Variants in LUZP2 observed in about 807,000 individuals in gnomAD.
The protein encoded by LUZP2 is leucine zipper protein 2.
In LUZP2, 52 loss-of-function variants were observed where a neutral mutation model predicts 51.6. The observed-to-expected ratio is 1.01, with a 90% confidence interval of 0.81 to 1.27. LUZP2 has a LOEUF of 1.27. Among genes scored for constraint, LUZP2 ranks in the 50% most tolerant of loss-of-function variants. The probability of loss-of-function intolerance (pLI) is 0.00; values close to 1 mark genes in which losing one functional copy is unlikely to be tolerated. For synonymous variants in LUZP2, 154 were observed against 137.3 expected, an observed-to-expected ratio of 1.12 and a Z score of -0.85; for missense variants, 436 against 395.4, an observed-to-expected ratio of 1.10 and a Z score of -0.87.
chr11:24,987,517 T>C (rs1018769551), intron 9 of LUZP2, among the ~76,000 whole-genome samples: 2 of 151,974 alleles, frequency 1.3e-5, no homozygotes, highest in African/African-American at 4.8e-5. Context: ...TATTACTGTT[T>C]CTTTTCTTTT....
intron 1 of LUZP2, among the ~76,000 whole-genome samples, chr11:24,684,117 TATA>T (rs1397163335): frequency 6.6e-6 from 1 of 152,148 alleles, no homozygotes; most frequent in Non-Finnish European, 1.5e-5. Context: ...AACTTCTCTT[TATA>T]ATGTTTTCAA....
At chr11:24,702,950 A>G (rs1857460689) in intron 1 of LUZP2, among the ~76,000 whole-genome samples, 1 of 152,182 alleles carries the variant, frequency 6.6e-6, no homozygotes, top group Non-Finnish European at 1.5e-5. Context: ...AAGCATGCAC[A>G]TATATATCCT....
intron 1 of LUZP2, among the ~76,000 whole-genome samples, chr11:24,620,996 C>T (rs1279679141): frequency 6.6e-6 from 1 of 152,126 alleles, no homozygotes; most frequent in Non-Finnish European, 1.5e-5. Flanking sequence ...GAGCTCTTCC[C>T]CTTAAAACTC....
At chr11:25,044,534 A>G (rs1484369596) in intron 9 of LUZP2, among the ~76,000 whole-genome samples, 1 of 152,054 alleles carries the variant, frequency 6.6e-6, no homozygotes, top group Non-Finnish European at 1.5e-5. Flanking sequence ...TATTTAAAAA[A>G]TTAACTTTTA....
intron 1 of LUZP2, among the ~76,000 whole-genome samples, chr11:24,559,557 C>T (rs1016256511): frequency 6.6e-6 from 1 of 152,144 alleles, no homozygotes; most frequent in Admixed American, 6.6e-5. Context: ...ATTCTCACAT[C>T]TTTTCCATGC....
chr11:24,999,496 A>G (rs1303337307), intron 9 of LUZP2, among the ~76,000 whole-genome samples: 1 of 151,212 alleles, frequency 6.6e-6, no homozygotes, highest in East Asian at 2.0e-4. Context: ...AGAGAGAAAG[A>G]GAAGGAGAAG....
intron 7 of LUZP2, among the ~76,000 whole-genome samples, chr11:24,934,422 T>C (rs1204689640): frequency 6.6e-6 from 1 of 152,230 alleles, no homozygotes; most frequent in Non-Finnish European, 1.5e-5. Context: ...CAAGTTTCTA[T>C]TATTTCCCGT....
intron 1 of LUZP2, among the ~76,000 whole-genome samples, chr11:24,691,437 T>G (rs1857061447): frequency 6.6e-6 from 1 of 151,902 alleles, no homozygotes; most frequent in African/African-American, 2.4e-5. Context: ...AATCATTTTT[T>G]TCTCTTTCAA....
intron 11 of LUZP2, 42 bp from the exon 12 acceptor site, chr11:25,078,512 T>A (rs766439809): frequency 2.7e-6 from 4 of 1,492,956 alleles, no homozygotes; most frequent in Non-Finnish European, 3.7e-6. Context: ...TAAAATGTGT[T>A]ATTTTGATTC....
At chr11:24,612,529 T>A (rs1344008860) in intron 1 of LUZP2, among the ~76,000 whole-genome samples, 1 of 152,146 alleles carries the variant, frequency 6.6e-6, no homozygotes, top group Non-Finnish European at 1.5e-5. Context: ...AGCTATCAAG[T>A]ACCAGTTTTT....
intron 5 of LUZP2, among the ~76,000 whole-genome samples, chr11:24,874,699 A>C (rs1360643985): frequency 6.6e-6 from 1 of 152,110 alleles, no homozygotes; most frequent in Non-Finnish European, 1.5e-5. Flanking sequence ...TTCCTTGCAG[A>C]CTCATGGAGT....
chr11:24,929,163 T>A (rs571871025), intron 7 of LUZP2, among the ~76,000 whole-genome samples: 1 of 152,180 alleles, frequency 6.6e-6, no homozygotes, highest in African/African-American at 2.4e-5. Context: ...TTTATTTATC[T>A]TTTCAAAAAA....
At chr11:24,537,673 G>A (rs1851221223) in intron 1 of LUZP2, among the ~76,000 whole-genome samples, 1 of 151,646 alleles carries the variant, frequency 6.6e-6, no homozygotes, top group South Asian at 2.1e-4. Flanking sequence ...TTTTGTAAAG[G>A]TAATTTTAAA....
intron 1 of LUZP2, among the ~76,000 whole-genome samples, chr11:24,518,098 GCTGTTATT>G (rs1850535829): frequency 6.6e-6 from 1 of 152,002 alleles, no homozygotes; most frequent in Non-Finnish European, 1.5e-5. Context: ...TAATTAATCA[GCTGTTATT>G]AATGAATAAG....
intron 1 of LUZP2, among the ~76,000 whole-genome samples, chr11:24,619,790 T>C (rs913516775): frequency 6.6e-6 from 1 of 152,116 alleles, no homozygotes; most frequent in Non-Finnish European, 1.5e-5. Flanking sequence ...TTATACTGCA[T>C]TGTTTAGGGA....
At chr11:24,660,114 G>A (rs2133980594) in intron 1 of LUZP2, among the ~76,000 whole-genome samples, 1 of 152,266 alleles carries the variant, frequency 6.6e-6, no homozygotes, top group Non-Finnish European at 1.5e-5. Flanking sequence ...AAGCGACCAT[G>A]CATTCTACAA....
At chr11:24,933,294 G>A (rs2133837365) in intron 7 of LUZP2, among the ~76,000 whole-genome samples, 1 of 152,228 alleles carries the variant, frequency 6.6e-6, no homozygotes, top group South Asian at 2.1e-4. Context: ...GTCTCCATAT[G>A]TAGCTCTGTT....
At chr11:25,010,492 G>A (rs112069070) in intron 9 of LUZP2, among the ~76,000 whole-genome samples, 2,708 of 152,070 alleles carry the variant, frequency 0.018, 42 homozygotes, top group South Asian at 0.084. Flanking sequence ...AGGTTACAGT[G>A]AGCCAAGATC....
At chr11:24,876,272 G>A (rs976488521) in intron 5 of LUZP2, among the ~76,000 whole-genome samples, 1 of 149,514 alleles carries the variant, frequency 6.7e-6, no homozygotes, top group Non-Finnish European at 1.5e-5. Flanking sequence ...ATTAATTTTT[G>A]TATAAGATGT....
Sources: allele counts gnomAD v4.1 joint callset (sites outside exome capture counted in the v4.1 genomes callset), GRCh38; gene constraint gnomAD v4.1.1; transcripts MANE v1.5; gene names NCBI Gene and HGNC (gene_info 2026-07-23, HGNC 2026-07-21).